The following GLIS3 variants were observed in gnomAD, a reference collection of about 807,000 sequenced individuals.
GLIS3 encodes GLIS family zinc finger 3.
Under a neutral mutation model 78.6 loss-of-function variants are expected in GLIS3, and 53 were observed. That is an observed-to-expected ratio of 0.67 (90% CI 0.54 to 0.85). The LOEUF (loss-of-function observed/expected upper bound fraction) is 0.85, where lower values mean the gene tolerates loss of function less well. Ranked by LOEUF, GLIS3 falls within the 40% of genes least tolerant of loss-of-function variation. The pLI is 0.00. For missense variants in GLIS3, 1,703 were observed against 1,231.1 expected (o/e 1.38, Z -5.74); for synonymous variants, 684 against 509.9 (o/e 1.34, Z -4.60).
At chr9:3,943,605 A>T (rs937951331) in intron 4 of GLIS3, among the ~76,000 whole-genome samples, 12 of 152,346 alleles carry the variant, frequency 7.9e-5, no homozygotes, top group African/African-American at 2.9e-4. Context: ...AACTTCAGGG[A>T]AATCAGTGTA....
chr9:4,345,773 G>T (rs1004736655), intron 2 of GLIS3, among the ~76,000 whole-genome samples: 6 of 152,300 alleles, frequency 3.9e-5, no homozygotes, highest in South Asian at 4.1e-4. Flanking sequence ...ACCACAAGAA[G>T]ATAAAGCAAA....
intron 2 of GLIS3, among the ~76,000 whole-genome samples, chr9:4,166,586 G>A (rs142183143): frequency 4.7e-4 from 71 of 152,298 alleles, no homozygotes; most frequent in African/African-American, 1.6e-3. Flanking sequence ...GCCAACCTTG[G>A]AAAGGCCCCT....
chr9:4,372,009 T>C, the GLIS3 span, among the ~76,000 whole-genome samples: 1 of 152,308 alleles, frequency 6.6e-6, no homozygotes, highest in African/African-American at 2.4e-5. Context: ...CCAGCCTCCA[T>C]GAATAGGTCT....
the GLIS3 span, among the ~76,000 whole-genome samples, chr9:4,385,931 C>T: frequency 3.6e-4 from 55 of 152,302 alleles, no homozygotes; most frequent in African/African-American, 1.3e-3. Context: ...ACCATCTGTA[C>T]CAATCATGCA....
chr9:4,321,143 G>C (rs538327099), intron 2 of GLIS3, among the ~76,000 whole-genome samples: 1 of 151,312 alleles, frequency 6.6e-6, no homozygotes, highest in Admixed American at 6.6e-5. Context: ...TCTCAAGGCC[G>C]GGCGCGGTGG....
At chr9:4,451,401 G>A in the GLIS3 span, among the ~76,000 whole-genome samples, 21 of 152,062 alleles carry the variant, frequency 1.4e-4, no homozygotes, top group African/African-American at 5.1e-4. Context: ...ATAATAATGG[G>A]GGTATTTAAC....
At chr9:4,223,098 T>C (rs1354581184) in intron 2 of GLIS3, among the ~76,000 whole-genome samples, 1 of 152,206 alleles carries the variant, frequency 6.6e-6, no homozygotes, top group South Asian at 2.1e-4. Flanking sequence ...GCAGAAACCT[T>C]TTCATATTTA....
chr9:3,898,588 A>G (rs1166199119), intron 7 of GLIS3, 103 bp downstream of exon 7: 2 of 1,391,096 alleles, frequency 1.4e-6, no homozygotes, highest in East Asian at 4.6e-5. Context: ...AGAACAACAC[A>G]GACGATCTTA....
At chr9:4,255,926 T>C (rs1333386680) in intron 2 of GLIS3, among the ~76,000 whole-genome samples, 3 of 152,324 alleles carry the variant, frequency 2.0e-5, no homozygotes, top group Admixed American at 6.5e-5. Context: ...TGTGGGGATG[T>C]TGATAATGGC....
At chr9:3,975,809 A>G (rs1430147646) in intron 4 of GLIS3, among the ~76,000 whole-genome samples, 3 of 152,144 alleles carry the variant, frequency 2.0e-5, no homozygotes, top group Non-Finnish European at 2.9e-5. Flanking sequence ...AAACATCAAG[A>G]AATTCAAAAC....
At chr9:4,252,710 A>G (rs145212232) in intron 2 of GLIS3, among the ~76,000 whole-genome samples, 2,229 of 152,210 alleles carry the variant, frequency 0.015, 57 homozygotes, top group African/African-American at 0.051. Context: ...TGGAATTTTC[A>G]GCCTTTTTGT....
At chr9:4,349,453 G>C (rs940201557), upstream of GLIS3, among the ~76,000 whole-genome samples, 2 of 152,054 alleles carry the variant, frequency 1.3e-5, no homozygotes, top group African/African-American at 2.4e-5. Flanking sequence ...CCCTCTCGTA[G>C]AGTCTAATTG....
intron 4 of GLIS3, among the ~76,000 whole-genome samples, chr9:4,031,015 T>A (rs967873671): frequency 6.6e-6 from 1 of 152,096 alleles, no homozygotes; most frequent in Non-Finnish European, 1.5e-5. Context: ...GGCCAGGAAG[T>A]GGAGAAATTT....
chr9:4,100,699 A>C (rs1323516105), intron 4 of GLIS3, among the ~76,000 whole-genome samples: 1 of 152,204 alleles, frequency 6.6e-6, no homozygotes, highest in Non-Finnish European at 1.5e-5. Context: ...GTATAGAATT[A>C]TCTAGTGTTC....
the GLIS3 span, among the ~76,000 whole-genome samples, chr9:4,464,605 G>T: frequency 4.6e-5 from 7 of 152,030 alleles, no homozygotes; most frequent in African/African-American, 1.7e-4. Context: ...ATGTTGGCCA[G>T]GCTGGTTTTG....
At chr9:4,020,020 G>T (rs1250169329) in intron 4 of GLIS3, among the ~76,000 whole-genome samples, 1 of 152,128 alleles carries the variant, frequency 6.6e-6, no homozygotes, top group East Asian at 1.9e-4. Flanking sequence ...CAAAGCACTG[G>T]GATTACAGGC....
At chr9:4,415,196 G>C in the GLIS3 span, among the ~76,000 whole-genome samples, 3 of 152,146 alleles carry the variant, frequency 2.0e-5, no homozygotes, top group African/African-American at 4.8e-5. Context: ...GGATCTGTGA[G>C]GATCTTACCA....
chr9:3,943,261 A>C (rs1816066413), intron 4 of GLIS3, among the ~76,000 whole-genome samples: 1 of 152,240 alleles, frequency 6.6e-6, no homozygotes, highest in African/African-American at 2.4e-5. Flanking sequence ...AAATCATTCA[A>C]ATGTTTTGAG....
At chr9:4,097,712 G>A (rs1830070230) in intron 4 of GLIS3, among the ~76,000 whole-genome samples, 1 of 152,122 alleles carries the variant, frequency 6.6e-6, no homozygotes, top group Non-Finnish European at 1.5e-5. Context: ...ACACTGAATT[G>A]CTCAATATGA....
Sources: gnomAD v4.1 joint callset for allele counts (sites outside exome capture counted in the v4.1 genomes callset) on GRCh38, gnomAD v4.1.1 for gene constraint, MANE v1.5 for transcripts, NCBI Gene and HGNC (gene_info 2026-07-23, HGNC 2026-07-21) for gene names.